Variants in FHL2 observed in about 807,000 individuals in gnomAD.
FHL2 encodes the protein four and a half LIM domains protein 2.
A neutral mutation model predicts 32.7 loss-of-function variants in FHL2; 20 were observed. The observed-to-expected ratio is 0.61, with a 90% CI of 0.43 to 0.89. FHL2 has a LOEUF of 0.89. Ranked by LOEUF, FHL2 falls within the 40% of genes least tolerant of loss-of-function variation. The pLI, the probability that FHL2 is intolerant of heterozygous loss-of-function variation, is 0.00. For synonymous variants in FHL2, 123 were observed against 128.1 expected, an observed-to-expected ratio of 0.96 and a Z score of 0.27; for missense variants, 311 against 358.6, an observed-to-expected ratio of 0.87 and a Z score of 1.07.
At chr2:105,426,901 T>A (rs1448287256) in intron 1 of FHL2, among the ~76,000 whole-genome samples, 2 of 152,226 alleles carry the variant, frequency 1.3e-5, no homozygotes, top group Admixed American at 1.3e-4. Flanking sequence ...TGGTGAATGG[T>A]GCAAGGTTTT....
At chr2:105,368,174 A>T (rs1447887869) in intron 4 of FHL2, among the ~76,000 whole-genome samples, 1 of 152,190 alleles carries the variant, frequency 6.6e-6, no homozygotes, top group Non-Finnish European at 1.5e-5. Context: ...TCACAGCAGG[A>T]TGGAAATGGC....
intron 1 of FHL2, among the ~76,000 whole-genome samples, chr2:105,427,792 TG>T (rs1419954051): frequency 2.6e-5 from 4 of 152,138 alleles, no homozygotes; most frequent in African/African-American, 4.8e-5. Context: ...TGTGAGGCTT[TG>T]GGCTCAGAGA....
chr2:105,408,828 G>A (rs1683710883), intron 1 of FHL2, among the ~76,000 whole-genome samples: 1 of 152,144 alleles, frequency 6.6e-6, no homozygotes. Flanking sequence ...ATCCAGAGTG[G>A]ATCTTACTCT....
chr2:105,426,606 T>C (rs528433533), intron 1 of FHL2, among the ~76,000 whole-genome samples: 4 of 152,266 alleles, frequency 2.6e-5, no homozygotes, highest in African/African-American at 9.6e-5. Flanking sequence ...ACCTACCTTC[T>C]GCAAAATTAC....
intron 1 of FHL2, among the ~76,000 whole-genome samples, chr2:105,422,678 G>A (rs1400410589): frequency 1.3e-5 from 2 of 149,208 alleles, no homozygotes; most frequent in African/African-American, 4.9e-5. Flanking sequence ...CTCCAGGTGA[G>A]AGAAATCAAA....
chr2:105,386,620 T>A, intron 2 of FHL2, 80 bp from the exon 3 acceptor site: 2 of 1,264,464 alleles, frequency 1.6e-6, no homozygotes, highest in Non-Finnish European at 2.2e-6. Context: ...ACTGTCCCAC[T>A]GTCTGTCATC....
rs753250859 is a variant in FHL2, at chr2:105,399,003, G to T, written c.-237C>A. The T allele has an allele frequency of 3.5e-5, 53 of 1,502,792 alleles. No homozygotes were observed. The highest frequency in any genetic ancestry group is 4.5e-5 in the Non-Finnish European group (51 of 1,129,208). 93.1% of individuals were successfully genotyped at this position (1,502,792 alleles called of 1,614,324 possible). On this transcript the variant is annotated 5_prime_UTR_variant, in exon 1 of 7. Coordinates refer to ENST00000530340, the MANE Select transcript of FHL2 (RefSeq NM_001318895.3). ...AGCGGGCCGGGGACTCCCGGACGGG[G>T]CTGGAGGGCGCGGGCGGCTGGTGGC...
At chr2:105,418,193 T>C (rs1683990411) in intron 1 of FHL2, among the ~76,000 whole-genome samples, 1 of 152,160 alleles carries the variant, frequency 6.6e-6, no homozygotes. Context: ...GTCCTTATTT[T>C]TGACTCTGCG....
At chr2:105,411,397 A>ATT (rs200918775) in intron 1 of FHL2, among the ~76,000 whole-genome samples, 1 of 151,530 alleles carries the variant, frequency 6.6e-6, no homozygotes, top group African/African-American at 2.4e-5. Context: ...ATAATGTACA[A>ATT]TTTTTTTTTC....
chr2:105,422,853 A>T (rs1181537335), intron 1 of FHL2, among the ~76,000 whole-genome samples: 1 of 152,206 alleles, frequency 6.6e-6, no homozygotes, highest in African/African-American at 2.4e-5. Flanking sequence ...TTGCAGAACC[A>T]CTGTTTTTCG....
intron 2 of FHL2, 89 bp from the exon 3 acceptor site, chr2:105,386,629 TC>T: frequency 8.7e-7 from 1 of 1,150,790 alleles, no homozygotes. Flanking sequence ...CTGTCTGTCA[TC>T]TTTAGCCGAA....
chr2:105,382,516 G>T (rs1303038107), intron 3 of FHL2, among the ~76,000 whole-genome samples: 2 of 152,112 alleles, frequency 1.3e-5, no homozygotes, highest in African/African-American at 4.8e-5. Context: ...CCATAAAATG[G>T]AATGAAAAAA....
intron 3 of FHL2, chr2:105,375,129 AAGTATG>A (rs1318955376): frequency 7.7e-6 from 1 of 130,228 alleles, no homozygotes; most frequent in African/African-American, 3.0e-5. Flanking sequence ...TCTTTTGCTG[AAGTATG>A]TGTGTGTGTG....
intron 4 of FHL2, among the ~76,000 whole-genome samples, chr2:105,371,984 G>T (rs1681110190): frequency 6.6e-6 from 1 of 152,224 alleles, no homozygotes; most frequent in Admixed American, 6.5e-5. Flanking sequence ...CTTAGAAGAG[G>T]CCTTCTTGCC....
intron 3 of FHL2, among the ~76,000 whole-genome samples, chr2:105,384,704 C>T (rs760040438): frequency 6.6e-6 from 1 of 152,348 alleles, no homozygotes; most frequent in Middle Eastern, 3.4e-3. Flanking sequence ...CACAGGGTTT[C>T]GCCATGTTGG....
At chr2:105,395,508 G>T (rs1167646807) in intron 2 of FHL2, among the ~76,000 whole-genome samples, 3 of 152,146 alleles carry the variant, frequency 2.0e-5, no homozygotes, top group African/African-American at 7.2e-5. Context: ...GCATCCAGCA[G>T]CTTCCATGAA....
chr2:105,418,686 G>T (rs148385732), intron 1 of FHL2, among the ~76,000 whole-genome samples: 2 of 152,028 alleles, frequency 1.3e-5, no homozygotes, highest in Non-Finnish European at 2.9e-5. Context: ...ATACAGTAGC[G>T]CCCTCCTCCC....
chr2:105,372,658 G>A (rs1401033038), intron 4 of FHL2, among the ~76,000 whole-genome samples: 11 of 152,072 alleles, frequency 7.2e-5, no homozygotes, highest in Admixed American at 4.6e-4. Context: ...GTGTGGTGGT[G>A]CACGCCTGTA....
chr2:105,419,356 C>T (rs1281302957), intron 1 of FHL2, among the ~76,000 whole-genome samples: 1 of 152,202 alleles, frequency 6.6e-6, no homozygotes, highest in African/African-American at 2.4e-5. Context: ...TCCCTCACCC[C>T]CTTCCCACCC....
Sources: allele counts gnomAD v4.1 joint callset (sites outside exome capture counted in the v4.1 genomes callset), GRCh38; gene constraint gnomAD v4.1.1; transcripts MANE v1.5; gene names NCBI Gene and HGNC (gene_info 2026-07-23, HGNC 2026-07-21).